The following MUSK variants were observed in gnomAD, a reference collection of about 807,000 sequenced individuals.
The protein encoded by MUSK is muscle associated receptor tyrosine kinase.
MUSK carries 55 observed loss-of-function variants against 88.7 expected under a neutral mutation model. The ratio of observed to expected loss-of-function variants is 0.62; its 90% CI spans 0.50 to 0.78. The LOEUF (loss-of-function observed/expected upper bound fraction) is 0.78, where lower values mean the gene tolerates loss of function less well. MUSK is among the 30% of genes least tolerant of loss of function. The pLI is 0.00. For missense variants in MUSK, 1,015 were observed against 1,074.3 expected, an observed-to-expected ratio of 0.94 and a Z score of 0.77; for synonymous variants, 387 against 391.9, an observed-to-expected ratio of 0.99 and a Z score of 0.15.
chr9:110,681,730 A>AAAT (rs1162912079), intron 1 of MUSK, among the ~76,000 whole-genome samples: 1 of 151,968 alleles, frequency 6.6e-6, no homozygotes, highest in Non-Finnish European at 1.5e-5. Context: ...CTTTACCAAA[A>AAAT]AATAATAATA....
Position 110,800,425 on chromosome 9 carries a change from T to C in MUSK, c.2047T>C (p.Leu683=), listed in dbSNP as rs534899413. The C allele has an allele frequency of 6.2e-7, 1 of 1,613,862 alleles. No individual in the cohort carries two copies. The highest frequency in any genetic ancestry group is 2.2e-5 in the East Asian group (1 of 44,858). ...CGTGTGCAGCCTCAGTCACAGTGACTTGTCTATGAGGGCTCAGGTCTCCAG... is the reference window on the plus strand; with the variant it reads ...CGTGTGCAGCCTCAGTCACAGTGACCTGTCTATGAGGGCTCAGGTCTCCAG... The part of the protein sequence containing the change: ...HTVCSLSHSD[L]SMRAQVSSPG... The change falls in exon 15 of 15, where the codon TTG becomes CTG. Residue 683 remains leucine, a synonymous_variant. Transcript: ENST00000374448.
chr9:110,773,482 T>TA (rs2077612553), intron 9 of MUSK, among the ~76,000 whole-genome samples: 1 of 152,154 alleles, frequency 6.6e-6, no homozygotes, highest in Non-Finnish European at 1.5e-5. Flanking sequence ...TATAAGTAGA[T>TA]ACTTGGAGGA....
intron 9 of MUSK, among the ~76,000 whole-genome samples, chr9:110,769,663 A>C (rs2077539386): frequency 6.6e-6 from 1 of 152,154 alleles, no homozygotes; most frequent in East Asian, 1.9e-4. Flanking sequence ...ATTCTCCAAA[A>C]TTGTTTATTT....
intron 5 of MUSK, among the ~76,000 whole-genome samples, chr9:110,732,132 A>G (rs1296771457): frequency 3.3e-5 from 5 of 152,130 alleles, no homozygotes; most frequent in Non-Finnish European, 5.9e-5. Context: ...TTACTAGAAC[A>G]GTTTTCTAGC....
Position 110,689,421 on chromosome 9 carries a change from AT to A in MUSK, c.358+2154del, listed in dbSNP as rs1398282271. On this transcript the variant is annotated intron_variant, in intron 3 of 14. Coordinates refer to ENST00000374448, the MANE Select transcript of MUSK (RefSeq NM_005592.4). ...TGTGAAAAATACATATTTATATATA[AT>A]ATATGTAAAAAATATTAAAATATGT... 6.2e-3 allele frequency among the ~76,000 whole-genome samples: 694 copies of A among 111,682 alleles called. 17 individuals carry two copies. Among genetic ancestry groups the A allele is most frequent in the African/African-American group, 0.026 (660 of 25,690 alleles). 73.3% of individuals were successfully genotyped at this position (111,682 alleles called of 152,430 possible).
Position 110,803,687 on chromosome 9 carries a change from T to G in MUSK, c.*2699T>G, listed in dbSNP as rs908181569. The stretch of plus-strand genomic sequence containing the variant: ...AATTTAAGTTAATCATAACATCTAA[T>G]AGGTGACATGTTTATTTTTTCATGA... On this transcript the variant is annotated 3_prime_UTR_variant, in exon 15 of 15. Coordinates refer to ENST00000374448, the MANE Select transcript of MUSK (RefSeq NM_005592.4). 7.9e-5 allele frequency among the ~76,000 whole-genome samples: 12 copies of G among 152,242 alleles called. No individual in the cohort carries two copies. The highest frequency in any genetic ancestry group is 2.9e-4 in the African/African-American group (12 of 41,472).
chr9:110,801,828 T>C lies in MUSK; in HGVS notation c.*840T>C, dbSNP rs1304454719. On this transcript the variant is annotated 3_prime_UTR_variant, in exon 15 of 15. Coordinates refer to ENST00000374448, the MANE Select transcript of MUSK (RefSeq NM_005592.4). ...CTTCTTTCCAGGACTTCTGTCCTTTTTTAGTTATTAAGCTATTTTTTTCTT... is the reference window on the plus strand; with the variant it reads ...CTTCTTTCCAGGACTTCTGTCCTTTCTTAGTTATTAAGCTATTTTTTTCTT... Among the ~76,000 whole-genome samples the C allele has an allele frequency of 6.6e-6, 1 of 152,244 alleles. No homozygotes were observed. Among genetic ancestry groups the C allele is most frequent in the Non-Finnish European group, 1.5e-5 (1 of 68,042 alleles).
At chr9:110,758,070 C>T (rs981571015) in intron 7 of MUSK, among the ~76,000 whole-genome samples, 1 of 152,048 alleles carries the variant, frequency 6.6e-6, no homozygotes, top group Non-Finnish European at 1.5e-5. Context: ...CTCAAGAGAT[C>T]CTCCTGCCAC....
chr9:110,693,549 T>C (rs2076386088), intron 3 of MUSK, among the ~76,000 whole-genome samples: 1 of 152,234 alleles, frequency 6.6e-6, no homozygotes, highest in South Asian at 2.1e-4. Flanking sequence ...AGGTGACCAG[T>C]TCTGATTGGT....
At position 110,761,572 on chromosome 9, in the gene MUSK, T is replaced by TC. The variant is rs1463026321; in HGVS notation, c.914-630_914-629insC. ...CTGTTAACCTCCACATCTTGCTTTT[T>TC]TTTTTTTTTTTTTTTTTTTTTGAGA... On this transcript the variant is annotated intron_variant, in intron 7 of 14. Transcript: ENST00000374448. Among the ~76,000 whole-genome samples, 351 of 125,936 alleles carry TC rather than the reference T, an allele frequency of 2.8e-3. 14 individuals carry two copies. The highest frequency in any genetic ancestry group is 0.027 in the Admixed American group (338 of 12,380). The allele number at this position is 125,936 out of a possible 152,430, so 82.6% of individuals were successfully genotyped here. A position where few individuals can be genotyped will look rare whatever the true frequency, so the allele number is the denominator to read the frequency against.
intron 4 of MUSK, among the ~76,000 whole-genome samples, 187 bp from the exon 5 acceptor site, chr9:110,697,137 AG>A (rs1195369951): frequency 6.6e-6 from 1 of 151,092 alleles, no homozygotes; most frequent in Non-Finnish European, 1.5e-5. Flanking sequence ...ACCCTGGTGA[AG>A]ATTAATTTAG....
chr9:110,693,604 G>A (rs2076387352), intron 3 of MUSK, among the ~76,000 whole-genome samples: 1 of 152,178 alleles, frequency 6.6e-6, no homozygotes, highest in Non-Finnish European at 1.5e-5. Context: ...TTACAGTGGG[G>A]ATCCATGGCT....
At chr9:110,778,258 T>A (rs544360191) in intron 11 of MUSK, among the ~76,000 whole-genome samples, 1 of 152,246 alleles carries the variant, frequency 6.6e-6, no homozygotes, top group Non-Finnish European at 1.5e-5. Flanking sequence ...AACATCTTTT[T>A]GAGCAGGCAA....
intron 2 of MUSK, 78 bp from the exon 3 acceptor site, chr9:110,687,039 C>A: frequency 7.0e-7 from 1 of 1,434,088 alleles, no homozygotes; most frequent in South Asian, 1.3e-5. Flanking sequence ...ATTAACAAGT[C>A]ATCGGTTTGA....
At chr9:110,695,252 G>A (rs2076416705) in intron 3 of MUSK, 151 bp from the exon 4 acceptor site, 4 of 555,256 alleles carry the variant, frequency 7.2e-6, no homozygotes, top group South Asian at 7.2e-5. Context: ...ATCTACTGAG[G>A]AAAACTGTCT....
At chr9:110,673,629 C>A (rs1031164826) in intron 1 of MUSK, among the ~76,000 whole-genome samples, 1 of 152,118 alleles carries the variant, frequency 6.6e-6, no homozygotes, top group African/African-American at 2.4e-5. Flanking sequence ...AGACTCACTT[C>A]TTTGATCTTA....
rs886063353 is a variant in MUSK, at chr9:110,747,667, T to C, written c.780T>C (p.Ser260=). ...NAVSSGSIQE[S]VKDRVIDSRL... is the part of the protein sequence containing the mutation. Reference sequence around the variant, plus strand: ...TTTCTTCTGGGTCCATTCAAGAGAGTGTGAAAGACCGAGTGATTGACTCAA... The same window carrying C: ...TTTCTTCTGGGTCCATTCAAGAGAGCGTGAAAGACCGAGTGATTGACTCAA... Residue 260 remains serine, a synonymous_variant, in exon 7 of 15, where the codon AGT becomes AGC. Coordinates refer to ENST00000374448, the MANE Select transcript of MUSK (RefSeq NM_005592.4). 1.9e-6 allele frequency: 3 copies of C among 1,613,632 alleles called. No homozygotes were observed. The highest frequency in any genetic ancestry group is 2.5e-6 in the Non-Finnish European group (3 of 1,179,654).
intron 7 of MUSK, among the ~76,000 whole-genome samples, chr9:110,751,576 G>A (rs1171339543): frequency 6.6e-6 from 1 of 152,214 alleles, no homozygotes; most frequent in Non-Finnish European, 1.5e-5. Context: ...ATCTCTGTAG[G>A]AATAATGGTT....
At chr9:110,741,951 C>G (rs1472653506) in intron 6 of MUSK, among the ~76,000 whole-genome samples, 1 of 152,134 alleles carries the variant, frequency 6.6e-6, no homozygotes, top group Non-Finnish European at 1.5e-5. Flanking sequence ...AAGATGATCT[C>G]TAATGGTATA....
Sources: gnomAD v4.1 joint callset for allele counts (sites outside exome capture counted in the v4.1 genomes callset) on GRCh38, gnomAD v4.1.1 for gene constraint, MANE v1.5 for transcripts, NCBI Gene and HGNC (gene_info 2026-07-23, HGNC 2026-07-21) for gene names.